CANX: variants seen among roughly 807,000 people sequenced by gnomAD.
CANX encodes the protein epididymis secretory sperm binding protein.
A neutral mutation model predicts 75.7 loss-of-function variants in CANX; 14 were observed. The ratio of observed to expected loss-of-function variants is 0.19; its 90% CI spans 0.12 to 0.29. The LOEUF is 0.29. Among genes scored for constraint, CANX ranks in the 10% least tolerant of loss-of-function variants. CANX has a pLI of 1.00. For missense variants in CANX, 567 were observed against 713.2 expected (o/e 0.79, Z 2.34); for synonymous variants, 227 against 236.9 (o/e 0.96, Z 0.38).
upstream of CANX, among the ~76,000 whole-genome samples, chr5:179,697,727 A>G (rs2113068380): frequency 6.6e-6 from 1 of 152,108 alleles, no homozygotes; most frequent in East Asian, 1.9e-4. Flanking sequence ...ACCTGTCTCT[A>G]CTAAAATACA....
chr5:179,679,957 C>A (rs1238168529), intron 1 of CANX, among the ~76,000 whole-genome samples: 7 of 112,886 alleles, frequency 6.2e-5, no homozygotes, highest in Non-Finnish European at 1.3e-4. Flanking sequence ...CTGCGCCTGG[C>A]CTTTTTTTTT....
At chr5:179,691,722 A>G (rs2113051155) in intron 1 of CANX, among the ~76,000 whole-genome samples, 1 of 151,854 alleles carries the variant, frequency 6.6e-6, no homozygotes, top group Non-Finnish European at 1.5e-5. Flanking sequence ...ATCCCTATAT[A>G]CTTTCCTTGA....
rs1455625384 is a variant in CANX at position 179,729,171 on chromosome 5, CATT to C, written c.*531_*533del. 6.0e-6 allele frequency: 1 copy of C among 167,748 alleles called. No homozygotes were observed. Among genetic ancestry groups the C allele is most frequent in the Non-Finnish European group, 1.3e-5 (1 of 77,850 alleles). 10.4% of individuals were successfully genotyped at this position (167,748 alleles called of 1,614,324 possible). On this transcript the variant is annotated 3_prime_UTR_variant, in exon 15 of 15. Coordinates refer to ENST00000247461, the MANE Select transcript of CANX (RefSeq NM_001746.4). ...GTTAGAATCTTGTTTTGTTTGCTTC[CATT>C]ATTGAGTTCCTCCTAAGGAAATTGA...
At chr5:179,710,807 C>A (rs60910702) in intron 7 of CANX, among the ~76,000 whole-genome samples, 1,534 of 150,794 alleles carry the variant, frequency 0.01, 35 homozygotes, top group African/African-American at 0.035. Context: ...AATCCCAGCA[C>A]TTTGGGAGGC....
chr5:179,679,078 C>T lies in CANX; in HGVS notation c.-4+301C>T, dbSNP rs777528778. 3.3e-6 allele frequency: 5 copies of T among 1,535,574 alleles called. No homozygotes were observed. The Admixed American group carries it at 7.8e-5, about 24-fold the overall frequency. On this transcript the variant is annotated intron_variant, in intron 1 of 14. Transcript: ENST00000681674. ...GCCGCGAGATGTGATCGGCCCAAAA[C>T]TGCTGCAGCGTCTGCCACAGGCGGC...
intron 1 of CANX, among the ~76,000 whole-genome samples, chr5:179,686,394 G>A (rs1333625701): frequency 9.2e-5 from 14 of 151,776 alleles, no homozygotes; most frequent in Non-Finnish European, 7.4e-5. Context: ...CACCAAGCCC[G>A]GCCATCTTTT....
At chr5:179,724,163 G>A (rs1778491926) in intron 12 of CANX, among the ~76,000 whole-genome samples, 1 of 151,578 alleles carries the variant, frequency 6.6e-6, no homozygotes, top group Non-Finnish European at 1.5e-5. Flanking sequence ...TATCCATTCT[G>A]CCTTCACCTT....
intron 10 of CANX, among the ~76,000 whole-genome samples, chr5:179,720,895 T>C (rs1371315867): frequency 6.6e-6 from 1 of 152,120 alleles, no homozygotes; most frequent in Non-Finnish European, 1.5e-5. Context: ...GCGATTCTCT[T>C]GCCTCAGACT....
At chr5:179,727,248 C>G (rs1778723549) in intron 14 of CANX, among the ~76,000 whole-genome samples, 1 of 152,148 alleles carries the variant, frequency 6.6e-6, no homozygotes, top group African/African-American at 2.4e-5. Context: ...AGCTTAAATT[C>G]TACTTGGGGG....
At position 179,731,387 on chromosome 5, in the gene CANX, A is replaced by C. The variant is rs1778982806; in HGVS notation, c.*2743A>C. Among the ~76,000 whole-genome samples, 1 of 152,102 alleles carries C rather than the reference A, an allele frequency of 6.6e-6. No homozygotes were observed. Among genetic ancestry groups the C allele is most frequent in the African/African-American group, 2.4e-5 (1 of 41,414 alleles). Reference sequence around the variant, plus strand: ...TAAATTTTTAGATTACATACTAAAGAAAAGTATGTACACAGAATGTAGTGC... The same window carrying C: ...TAAATTTTTAGATTACATACTAAAGCAAAGTATGTACACAGAATGTAGTGC... On this transcript the variant is annotated 3_prime_UTR_variant, in exon 15 of 15. Transcript: ENST00000247461.
chr5:179,727,341 A>G (rs1436129141), intron 14 of CANX, among the ~76,000 whole-genome samples: 14 of 152,264 alleles, frequency 9.2e-5, no homozygotes, highest in Non-Finnish European at 1.5e-5. Flanking sequence ...TAATTAAAAC[A>G]GGAAAAGATA....
Position 179,707,080 on chromosome 5 carries a change from C to G in CANX, c.246-52C>G, listed in dbSNP as rs367753822. The G allele has an allele frequency of 4.0e-5, 44 of 1,087,208 alleles. No homozygotes were observed. The Middle Eastern group carries it at 1.4e-3, about 34-fold the overall frequency. The allele number at this position is 1,087,208 out of a possible 1,614,324, so 67.3% of individuals were successfully genotyped here. A position where few individuals can be genotyped will look rare whatever the true frequency, so the allele number is the denominator to read the frequency against. ...TTAATGAGTATTTACATAATTTTCCCTCACAAGTCAACTGTCATTTTAAGA... is the reference window on the plus strand; with the variant it reads ...TTAATGAGTATTTACATAATTTTCCGTCACAAGTCAACTGTCATTTTAAGA... On this transcript the variant is annotated intron_variant, in intron 3 of 14. Transcript: ENST00000247461.
At chr5:179,724,829 G>C in intron 13 of CANX, 46 bp downstream of exon 13, 1 of 1,562,422 alleles carries the variant, frequency 6.4e-7, no homozygotes, top group Non-Finnish European at 8.7e-7. Context: ...AAGACCCTAC[G>C]ATGTTGTTAA....
intron 1 of CANX, among the ~76,000 whole-genome samples, chr5:179,702,286 C>T (rs1776823089): frequency 6.6e-6 from 1 of 151,772 alleles, no homozygotes; most frequent in African/African-American, 2.4e-5. Context: ...TGAGCTCAAG[C>T]GATCATCCTG....
intron 1 of CANX, among the ~76,000 whole-genome samples, chr5:179,683,445 T>TTATAATG (rs1776122853): frequency 1.3e-5 from 2 of 151,784 alleles, no homozygotes; most frequent in Admixed American, 6.6e-5. Context: ...CTACATATAT[T>TTATAATG]TATAATGTAT....
At chr5:179,723,410 G>A (rs140089858) in intron 11 of CANX, 5,912 of 470,262 alleles carry the variant, frequency 0.013, 63 homozygotes, top group Middle Eastern at 0.044. Flanking sequence ...TGGATCCTGA[G>A]GTTAAGGGAG....
intron 1 of CANX, among the ~76,000 whole-genome samples, chr5:179,682,509 G>A (rs1481564865): frequency 6.6e-6 from 1 of 152,046 alleles, no homozygotes; most frequent in Non-Finnish European, 1.5e-5. Context: ...TTGGGAGTTT[G>A]AGACCAGCGT....
rs755416400 is a variant in CANX at position 179,722,998 on chromosome 5, A to G, written c.1377A>G (p.Lys459=). 16 of 1,613,938 alleles carry G rather than the reference A, an allele frequency of 9.9e-6. No individual in the cohort carries two copies. In the Admixed American group the frequency reaches 1.8e-4, roughly 18 times the overall value. Residue 459 remains lysine (K), a synonymous_variant, in exon 11 of 15, where the codon AAA becomes AAG. Transcript: ENST00000247461. ...DWANDGWGLK[K]AADGAAEPGV... ...CCAATGATGGATGGGGCCTGAAGAA[A>G]GCTGCTGATGGGGCTGCTGAGGTTC...
intron 1 of CANX, chr5:179,678,899 C>G: frequency 2.0e-6 from 3 of 1,535,036 alleles, no homozygotes; most frequent in Non-Finnish European, 2.6e-6. Context: ...AGTGGTCCAC[C>G]GCCCGCCGCG....
Sources: gnomAD v4.1 joint callset for allele counts (sites outside exome capture counted in the v4.1 genomes callset) on GRCh38, gnomAD v4.1.1 for gene constraint, MANE v1.5 for transcripts, NCBI Gene and HGNC (gene_info 2026-07-23, HGNC 2026-07-21) for gene names.